The following COL4A2 variants were observed in gnomAD, a reference collection of about 807,000 sequenced individuals.
The protein encoded by COL4A2 is collagen type IV alpha 2 chain.
In COL4A2, 99 loss-of-function variants were observed where a neutral mutation model predicts 200.2. That is an observed-to-expected ratio of 0.49 (90% CI 0.42 to 0.58). COL4A2 has a LOEUF of 0.58. Among genes scored for constraint, COL4A2 ranks in the 20% least tolerant of loss-of-function variants. The probability of loss-of-function intolerance (pLI) is 0.00; values close to 1 mark genes in which losing one functional copy is unlikely to be tolerated. For synonymous variants in COL4A2, 897 were observed against 900.6 expected (o/e 1.00, Z 0.07); for missense variants, 1,950 against 2,314.1 (o/e 0.84, Z 3.23).
intron 3 of COL4A2, among the ~76,000 whole-genome samples, chr13:110,352,669 G>T (rs1877015273): frequency 6.6e-6 from 1 of 152,200 alleles, no homozygotes; most frequent in African/African-American, 2.4e-5. Context: ...TTGAAGGAAG[G>T]TGCCGGATAC....
In COL4A2 at chr13:110,313,559, G is replaced by A. The variant is rs9521688; in HGVS notation, c.99+5436G>A. 5.1e-3 allele frequency among the ~76,000 whole-genome samples: 412 copies of A among 80,818 alleles called. 17 individuals carry two copies. The highest frequency in any genetic ancestry group is 8.3e-3 in the Non-Finnish European group (298 of 35,860). The allele number at this position is 80,818 out of a possible 152,430, so 53.0% of individuals were successfully genotyped here. A position where few individuals can be genotyped will look rare whatever the true frequency, so the allele number is the denominator to read the frequency against. On this transcript the variant is annotated intron_variant, in intron 3 of 47. Coordinates refer to ENST00000360467, the MANE Select transcript of COL4A2 (RefSeq NM_001846.4). ...CCGGTGCCCCGCGTCCACCCGGCAG[G>A]CTCCCACCCCAGTGCCCCGTGTCCA... is the stretch of plus-strand genomic sequence containing the variant.
chr13:110,438,555 G>A, intron 14 of COL4A2, 63 bp from the exon 15 acceptor site: 1 of 1,591,546 alleles, frequency 6.3e-7, no homozygotes, highest in South Asian at 1.1e-5. Context: ...ATGACACGTG[G>A]GCCCTGTTGG....
At chr13:110,495,506 T>G (rs781621357) in intron 40 of COL4A2, 39 bp downstream of exon 40, 11 of 1,598,848 alleles carry the variant, frequency 6.9e-6, no homozygotes, top group South Asian at 5.6e-5. Context: ...GCCGTCCCAG[T>G]AACCAGAACC....
chr13:110,499,918 T>C lies in COL4A2; in HGVS notation c.3761-1750T>C, dbSNP rs115721652. On this transcript the variant is annotated intron_variant, in intron 40 of 47. Coordinates refer to ENST00000360467, the MANE Select transcript of COL4A2 (RefSeq NM_001846.4). Reference sequence around the variant, plus strand: ...CACTCACCATCTGTTTCGGGTACTTTGTGACAATAGCTAGAAGCAGTTCAA... The same window carrying C: ...CACTCACCATCTGTTTCGGGTACTTCGTGACAATAGCTAGAAGCAGTTCAA... 4.0e-3 allele frequency among the ~76,000 whole-genome samples: 616 copies of C among 152,366 alleles called. 4 individuals carry two copies. Among genetic ancestry groups the C allele is most frequent in the African/African-American group, 0.013 (558 of 41,590 alleles).
intron 3 of COL4A2, among the ~76,000 whole-genome samples, chr13:110,331,686 C>CA (rs1193231833): frequency 2.0e-5 from 3 of 152,158 alleles, no homozygotes; most frequent in Admixed American, 2.0e-4. Context: ...AACACCGACT[C>CA]AAAACCACCA....
intron 4 of COL4A2, among the ~76,000 whole-genome samples, chr13:110,390,929 C>T (rs1878963781): frequency 6.6e-6 from 1 of 152,192 alleles, no homozygotes; most frequent in Admixed American, 6.5e-5. Flanking sequence ...AGACATATGT[C>T]AAGTGGAAGC....
At position 110,419,688 on chromosome 13, in the gene COL4A2, G is replaced by A. The variant is rs189558419; in HGVS notation, c.181-5046G>A. 6.3e-3 allele frequency among the ~76,000 whole-genome samples: 954 copies of A among 152,290 alleles called. 5 individuals are homozygous for A. The highest frequency in any genetic ancestry group is 0.022 in the African/African-American group (906 of 41,562). On this transcript the variant is annotated intron_variant, in intron 4 of 47. Coordinates refer to ENST00000360467, the MANE Select transcript of COL4A2 (RefSeq NM_001846.4). The stretch of plus-strand genomic sequence containing the variant: ...GGATTTGTTGCCTTTTCAGACTGCA[G>A]CTTCCAAAACCAGCCCGGATGGCCC...
chr13:110,490,173 G>A (rs897006903), intron 36 of COL4A2, among the ~76,000 whole-genome samples: 4 of 152,336 alleles, frequency 2.6e-5, no homozygotes, highest in South Asian at 4.1e-4. Context: ...TCCAGGAAAG[G>A]GGGAGTGGGA....
At chr13:110,340,304 A>C (rs567276288) in intron 3 of COL4A2, among the ~76,000 whole-genome samples, 108 of 152,204 alleles carry the variant, frequency 7.1e-4, no homozygotes, top group African/African-American at 2.6e-3. Context: ...TTTAGTAGAG[A>C]TGCGGTTTCA....
intron 29 of COL4A2, among the ~76,000 whole-genome samples, chr13:110,474,857 TCA>T (rs143235738): frequency 0.38 from 41,163 of 108,250 alleles, 8,825 homozygotes; most frequent in Middle Eastern, 0.52. Context: ...TCAAACATGA[TCA>T]CACACTCCAT....
intron 4 of COL4A2, among the ~76,000 whole-genome samples, chr13:110,373,821 C>T (rs527322191): frequency 1.3e-5 from 2 of 152,334 alleles, no homozygotes; most frequent in South Asian, 2.1e-4. Flanking sequence ...TCTGTGTTTT[C>T]CTTATCCCTT....
chr13:110,385,819 G>C (rs1226503625), intron 4 of COL4A2, among the ~76,000 whole-genome samples: 2 of 125,626 alleles, frequency 1.6e-5, no homozygotes, highest in African/African-American at 3.0e-5. Flanking sequence ...GTTACAGTGT[G>C]TGGATAGGCC....
At chr13:110,446,718 T>G in intron 17 of COL4A2, 80 bp from the exon 18 acceptor site, 2 of 1,264,892 alleles carry the variant, frequency 1.6e-6, no homozygotes, top group South Asian at 2.5e-5. Flanking sequence ...ACGCTCGGGT[T>G]TCTTCTTTGG....
chr13:110,393,682 C>A (rs941309668), intron 4 of COL4A2, among the ~76,000 whole-genome samples: 1 of 151,754 alleles, frequency 6.6e-6, no homozygotes, highest in Non-Finnish European at 1.5e-5. Context: ...AGTTCGAGAC[C>A]AACCTGGCCA....
Position 110,495,407 on chromosome 13 carries a change from G to A in COL4A2, c.3700G>A (p.Ala1234Thr), listed in dbSNP as rs773940707. The A allele has an allele frequency of 3.1e-6, 5 of 1,614,088 alleles. No individual in the cohort carries two copies. The highest frequency in any genetic ancestry group is 2.2e-5 in the South Asian group (2 of 91,080). ...PPGERGDPGE[A>T]NTLPGPVGVP... The stretch of plus-strand genomic sequence containing the variant: ...TGGGGAAAGAGGTGACCCAGGAGAG[G>A]CCAACACCCTTCCAGGCCCTGTGGG... The change falls in exon 40 of 48, where the codon GCC (alanine) becomes ACC (threonine). Residue 1234 changes from alanine to threonine, a missense_variant. By Grantham distance (58) the Ala-to-Thr change is moderately conservative (BLOSUM62 0). Around this residue, in one of 2 missense-constraint regions of COL4A2, gnomAD observed 1,385 missense variants for 1,720.5 expected, o/e 0.80. Coordinates refer to ENST00000360467, the MANE Select transcript of COL4A2 (RefSeq NM_001846.4).
intron 29 of COL4A2, among the ~76,000 whole-genome samples, chr13:110,474,358 A>T (rs1023217716): frequency 6.6e-6 from 1 of 152,214 alleles, no homozygotes; most frequent in Non-Finnish European, 1.5e-5. Context: ...CATGAAGCTC[A>T]GGAGCATGAA....
chr13:110,423,309 AT>A (rs1213413045), intron 4 of COL4A2, among the ~76,000 whole-genome samples: 19 of 152,158 alleles, frequency 1.2e-4, no homozygotes, highest in African/African-American at 3.6e-4. Flanking sequence ...TTTATTTTTA[AT>A]TTTTTTAATG....
intron 3 of COL4A2, among the ~76,000 whole-genome samples, chr13:110,352,596 C>A (rs1022792529): frequency 6.6e-6 from 1 of 152,132 alleles, no homozygotes; most frequent in Admixed American, 6.6e-5. Flanking sequence ...GACCTCCCAG[C>A]CCCTTGCCCT....
At chr13:110,322,497 C>T (rs1458557077) in intron 3 of COL4A2, among the ~76,000 whole-genome samples, 2 of 152,162 alleles carry the variant, frequency 1.3e-5, no homozygotes, top group African/African-American at 4.8e-5. Flanking sequence ...GCGTGAGATT[C>T]CTCAGGAGGA....
Sources: gnomAD v4.1 joint callset for allele counts (sites outside exome capture counted in the v4.1 genomes callset) on GRCh38, gnomAD v4.1.1 for gene constraint, gnomAD v4.1.1 regional missense constraint, MANE v1.5 for transcripts, NCBI Gene and HGNC (gene_info 2026-07-23, HGNC 2026-07-21) for gene names.